Variants in TDRD1 observed in about 807,000 individuals in gnomAD.
The protein encoded by TDRD1 is tudor domain containing 1.
A neutral mutation model predicts 140.6 loss-of-function variants in TDRD1; 37 were observed. That is an observed-to-expected ratio of 0.26 (90% CI 0.20 to 0.35). The LOEUF (loss-of-function observed/expected upper bound fraction) is 0.35, where lower values mean the gene tolerates loss of function less well. TDRD1 is among the 10% of genes least tolerant of loss of function. TDRD1 has a pLI of 1.00. For missense variants in TDRD1, 1,243 were observed against 1,393.0 expected, an observed-to-expected ratio of 0.89 and a Z score of 1.71; for synonymous variants, 506 against 475.7, an observed-to-expected ratio of 1.06 and a Z score of -0.83.
intron 3 of TDRD1, among the ~76,000 whole-genome samples, chr10:114,195,789 A>C (rs1319881165): frequency 6.6e-6 from 1 of 152,200 alleles, no homozygotes; most frequent in Non-Finnish European, 1.5e-5. Context: ...TGATGTAATT[A>C]ATACTTGAGT....
At chr10:114,223,719 A>G (rs888824341) in intron 21 of TDRD1, among the ~76,000 whole-genome samples, 18 of 151,780 alleles carry the variant, frequency 1.2e-4, no homozygotes, top group Admixed American at 5.9e-4. Flanking sequence ...TGTGTAGTGT[A>G]TTACAATTAC....
At chr10:114,226,967 T>A in intron 22 of TDRD1, 105 bp from the exon 23 acceptor site, 1 of 659,638 alleles carries the variant, frequency 1.5e-6, no homozygotes, top group Non-Finnish European at 2.6e-6. Flanking sequence ...CACACCTAAA[T>A]CCAGCTGAAG....
At chr10:114,227,851 C>T (rs1036955502) in intron 23 of TDRD1, 59 bp from the exon 24 acceptor site, 14 of 1,426,854 alleles carry the variant, frequency 9.8e-6, no homozygotes, top group African/African-American at 1.4e-5. Flanking sequence ...TTTACACTCC[C>T]AAGTTTTTCT....
intron 11 of TDRD1, among the ~76,000 whole-genome samples, chr10:114,209,018 G>A (rs2035309978): frequency 6.6e-6 from 1 of 151,890 alleles, no homozygotes; most frequent in Non-Finnish European, 1.5e-5. Flanking sequence ...TCCTGACCTC[G>A]TGAACTGCCC....
At chr10:114,210,546 C>G (rs536212801) in intron 11 of TDRD1, 35 bp from the exon 12 acceptor site, 1 of 1,527,158 alleles carries the variant, frequency 6.5e-7, no homozygotes, top group East Asian at 2.3e-5. Context: ...TGGATGAAAA[C>G]AAAATGGCTT....
intron 21 of TDRD1, among the ~76,000 whole-genome samples, chr10:114,223,222 G>T (rs1178082949): frequency 6.6e-6 from 1 of 152,198 alleles, no homozygotes; most frequent in Non-Finnish European, 1.5e-5. Context: ...CTGCTTCATG[G>T]TCCACAGTCA....
chr10:114,193,364 C>T (rs1199128930), intron 3 of TDRD1, among the ~76,000 whole-genome samples: 2 of 139,204 alleles, frequency 1.4e-5, no homozygotes, highest in Admixed American at 7.9e-5. Flanking sequence ...GCTATCTTGG[C>T]TCACTGCAAC....
At chr10:114,218,280 T>C (rs1208584736) in intron 17 of TDRD1, 134 bp from the exon 18 acceptor site, 3 of 562,110 alleles carry the variant, frequency 5.3e-6, no homozygotes. Context: ...TTTTGAAAAA[T>C]GAAAGGCGTG....
At chr10:114,183,246 C>G (rs1025473865) in intron 1 of TDRD1, among the ~76,000 whole-genome samples, 5 of 152,176 alleles carry the variant, frequency 3.3e-5, no homozygotes, top group Admixed American at 3.3e-4. Flanking sequence ...CACACAGCAG[C>G]ATACTGAGGA....
intron 3 of TDRD1, among the ~76,000 whole-genome samples, chr10:114,193,661 A>G (rs1261288699): frequency 6.6e-6 from 1 of 151,872 alleles, no homozygotes; most frequent in Non-Finnish European, 1.5e-5. Flanking sequence ...GCAAATAGGG[A>G]CAGTTTTATG....
exon 26 of TDRD1, chr10:114,231,710 T>TA: frequency 1.9e-6 from 1 of 517,584 alleles, no homozygotes; most frequent in Non-Finnish European, 3.3e-6. Flanking sequence ...AAATATTACG[T>TA]AAAAAATTCA....
Position 114,222,571 on chromosome 10 carries a change from C to G in TDRD1, c.2891-16C>G. 1 of 1,532,868 alleles carries G rather than the reference C, an allele frequency of 6.5e-7. No individual in the cohort carries two copies. Among genetic ancestry groups the G allele is most frequent in the Non-Finnish European group, 9.0e-7 (1 of 1,111,262 alleles). The allele number at this position is 1,532,868 out of a possible 1,614,324, so 95.0% of individuals were successfully genotyped here. ...TGGAAATTTTCTTCACAAAAGATTG[C>G]TTTTATATATTTTAGAAAATCAGGA... On this transcript the variant is annotated splice_polypyrimidine_tract_variant and intron_variant, in intron 20 of 25. Transcript: ENST00000251864.
At chr10:114,222,976 A>G (rs2036231004) in intron 21 of TDRD1, among the ~76,000 whole-genome samples, 1 of 152,222 alleles carries the variant, frequency 6.6e-6, no homozygotes, top group South Asian at 2.1e-4. Context: ...ATTCTAGTGG[A>G]TCAGTCACAT....
intron 1 of TDRD1, among the ~76,000 whole-genome samples, chr10:114,184,930 A>G (rs529668902): frequency 6.6e-6 from 1 of 151,772 alleles, no homozygotes; most frequent in African/African-American, 2.4e-5. Flanking sequence ...TTTGTAGTCG[A>G]GGTGGTTTTT....
intron 3 of TDRD1, among the ~76,000 whole-genome samples, chr10:114,198,550 TG>T (rs2034521918): frequency 6.6e-6 from 1 of 152,198 alleles, no homozygotes. Flanking sequence ...GCCACAGTTT[TG>T]TCTGTGGTGT....
rs778231862 is a variant in TDRD1 at position 114,204,093 on chromosome 10, A to G, written c.1002A>G (p.Ile334Met). 3.7e-6 allele frequency: 6 copies of G among 1,606,234 alleles called. No homozygotes were observed. The Admixed American group carries it at 8.7e-5, about 23-fold the overall frequency. Residue 334 changes from isoleucine to methionine, a missense_variant, in exon 9 of 26, where the codon ATA becomes ATG. Physicochemically the swap from Ile to Met is conservative, Grantham distance 10. Around this residue, in one of 5 missense-constraint regions of TDRD1, gnomAD observed 392 missense variants for 394.1 expected, o/e 0.99. Coordinates refer to ENST00000251864, the Ensembl canonical transcript of TDRD1. Reference sequence around the variant, plus strand: ...TTCAGACCTGGAACAGAGCAATCATACAAAACGTTGATGTGCAGCAAAAGA... The same window carrying G: ...TTCAGACCTGGAACAGAGCAATCATGCAAAACGTTGATGTGCAGCAAAAGA...
chr10:114,205,691 G>A (rs781075484), intron 10 of TDRD1, among the ~76,000 whole-genome samples: 4 of 152,164 alleles, frequency 2.6e-5, no homozygotes, highest in Non-Finnish European at 5.9e-5. Flanking sequence ...CAAATAGAGG[G>A]TAGAATGGTT....
Position 114,200,847 on chromosome 10 carries a change from CTTTTTTT to C in TDRD1, c.530-545_530-539del, listed in dbSNP as rs33964094. Among the ~76,000 whole-genome samples, 17 of 80,422 alleles carry C rather than the reference CTTTTTTT, an allele frequency of 2.1e-4. No homozygotes were observed. The South Asian group carries it at 3.9e-3, about 18-fold the overall frequency. The allele number at this position is 80,422 out of a possible 152,430, so 52.8% of individuals were successfully genotyped here. On this transcript the variant is annotated intron_variant, in intron 4 of 25. Transcript: ENST00000251864. ...GTTTTGCACCATTGCTTGCTGCTGC[CTTTTTTT>C]TTTTTTTTTTTTTTTTTGAGACAGA...
intron 2 of TDRD1, among the ~76,000 whole-genome samples, chr10:114,190,417 T>G (rs1343492628): frequency 6.6e-6 from 1 of 152,238 alleles, no homozygotes; most frequent in East Asian, 1.9e-4. Flanking sequence ...AACTGCTGCC[T>G]TAGTGAATGG....
Sources: gnomAD v4.1 joint callset for allele counts (sites outside exome capture counted in the v4.1 genomes callset) on GRCh38, gnomAD v4.1.1 for gene constraint, gnomAD v4.1.1 regional missense constraint, MANE v1.5 for transcripts, NCBI Gene and HGNC (gene_info 2026-07-23, HGNC 2026-07-21) for gene names.